Variants in ERBB4 observed in about 807,000 individuals in gnomAD.
ERBB4 encodes the protein erb-b2 receptor tyrosine kinase 4.
A neutral mutation model predicts 158.0 loss-of-function variants in ERBB4; 42 were observed. The observed-to-expected ratio is 0.27, with a 90% CI of 0.21 to 0.34. ERBB4 has a LOEUF of 0.34. Ranked by LOEUF, ERBB4 falls within the 10% of genes least tolerant of loss-of-function variation. The probability of loss-of-function intolerance (pLI) is 1.00; values close to 1 mark genes in which losing one functional copy is unlikely to be tolerated. For missense variants in ERBB4, 1,333 were observed against 1,624.1 expected, an observed-to-expected ratio of 0.82 and a Z score of 3.08; for synonymous variants, 583 against 558.7, an observed-to-expected ratio of 1.04 and a Z score of -0.61.
At chr2:211,672,265 A>C (rs1241499532) in intron 14 of ERBB4, among the ~76,000 whole-genome samples, 3 of 152,166 alleles carry the variant, frequency 2.0e-5, no homozygotes. Context: ...CTACATTCAA[A>C]TGTTGGTCTC....
intron 1 of ERBB4, among the ~76,000 whole-genome samples, chr2:212,164,068 C>T (rs2081278553): frequency 6.6e-6 from 1 of 151,932 alleles, no homozygotes; most frequent in African/African-American, 2.4e-5. Flanking sequence ...TCCCAAAGTG[C>T]TGGGATGATA....
At chr2:211,638,307 C>G (rs943541521) in intron 16 of ERBB4, among the ~76,000 whole-genome samples, 9 of 152,062 alleles carry the variant, frequency 5.9e-5, no homozygotes, top group African/African-American at 2.2e-4. Context: ...GACCTTGAAA[C>G]ACCAGGAAAC....
chr2:211,407,521 T>C (rs1284398709), intron 25 of ERBB4, among the ~76,000 whole-genome samples: 1 of 152,232 alleles, frequency 6.6e-6, no homozygotes, highest in Non-Finnish European at 1.5e-5. Flanking sequence ...TGGTTGTAGA[T>C]TAAACTTCCA....
intron 5 of ERBB4, among the ~76,000 whole-genome samples, chr2:211,740,622 C>CT (rs1169540948): frequency 0.22 from 19,985 of 90,174 alleles, 3,187 homozygotes; most frequent in Non-Finnish European, 0.29. Context: ...TTTTCTTTGT[C>CT]TTTTTTTTTT....
chr2:211,683,966 G>A (rs905747716), intron 12 of ERBB4, among the ~76,000 whole-genome samples: 7 of 151,290 alleles, frequency 4.6e-5, no homozygotes, highest in African/African-American at 1.7e-4. Context: ...TTTTTAATAT[G>A]CTTATTTTTC....
At chr2:211,623,853 C>G (rs2069729684) in intron 18 of ERBB4, 69 bp downstream of exon 18, 1 of 1,471,940 alleles carries the variant, frequency 6.8e-7, no homozygotes. Flanking sequence ...AGTAATAACT[C>G]CATTGGCTAT....
chr2:211,477,997 C>T (rs2064998409), intron 20 of ERBB4, among the ~76,000 whole-genome samples: 1 of 152,122 alleles, frequency 6.6e-6, no homozygotes, highest in African/African-American at 2.4e-5. Flanking sequence ...AGGCAATATT[C>T]CTTGAACAGT....
chr2:212,161,888 CTTA>C (rs2081212657), intron 1 of ERBB4, among the ~76,000 whole-genome samples: 1 of 151,672 alleles, frequency 6.6e-6, no homozygotes, highest in African/African-American at 2.4e-5. Context: ...CTAAAAATTC[CTTA>C]TTAATCTTTG....
chr2:212,165,401 C>G (rs1466052582), intron 1 of ERBB4, among the ~76,000 whole-genome samples: 1 of 151,704 alleles, frequency 6.6e-6, no homozygotes, highest in African/African-American at 2.4e-5. Flanking sequence ...TAATCCCAGC[C>G]CTGAGGGTAA....
At chr2:212,101,970 T>C (rs2125519185) in intron 2 of ERBB4, among the ~76,000 whole-genome samples, 1 of 151,492 alleles carries the variant, frequency 6.6e-6, no homozygotes, top group Non-Finnish European at 1.5e-5. Context: ...TTAGTTCCTT[T>C]GTAATGCTTC....
intron 20 of ERBB4, among the ~76,000 whole-genome samples, chr2:211,455,675 AT>A (rs1202600699): frequency 6.6e-6 from 1 of 152,124 alleles, no homozygotes. Context: ...CTTACTTTTA[AT>A]TTTGCCTGTT....
At chr2:212,413,754 A>G (rs912865602) in intron 1 of ERBB4, among the ~76,000 whole-genome samples, 3 of 152,194 alleles carry the variant, frequency 2.0e-5, no homozygotes, top group East Asian at 1.9e-4. Flanking sequence ...TATTTTAAAA[A>G]GTATTTATTT....
At chr2:212,453,843 A>G (rs1688132575) in intron 1 of ERBB4, among the ~76,000 whole-genome samples, 1 of 152,214 alleles carries the variant, frequency 6.6e-6, no homozygotes, top group African/African-American at 2.4e-5. Context: ...TCTTTGACAA[A>G]GAGTACTAGA....
chr2:212,317,933 A>G (rs1198631445), intron 1 of ERBB4, among the ~76,000 whole-genome samples: 1 of 151,658 alleles, frequency 6.6e-6, no homozygotes, highest in African/African-American at 2.4e-5. Context: ...TATCTTTTCA[A>G]AATCCACACA....
In ERBB4 at chr2:212,383,610, G is replaced by A. The variant is rs139001373; in HGVS notation, c.82+154839C>T. On this transcript the variant is annotated intron_variant, in intron 1 of 27. Coordinates refer to ENST00000342788, the MANE Select transcript of ERBB4 (RefSeq NM_005235.3). ...CAGGAAGCTAAAATTCACCTCAAGA[G>A]ACAAAGCATACCAAACATTTAGATG... Among the ~76,000 whole-genome samples the A allele has an allele frequency of 1.7e-3, 255 of 151,640 alleles. 2 individuals carry two copies. The highest frequency in any genetic ancestry group is 5.8e-3 in the African/African-American group (240 of 41,480).
intron 3 of ERBB4, among the ~76,000 whole-genome samples, chr2:211,914,789 C>T (rs547325768): frequency 2.0e-5 from 3 of 152,158 alleles, no homozygotes; most frequent in Non-Finnish European, 4.4e-5. Context: ...AATTTCCTAA[C>T]ATTTAAATGT....
chr2:212,193,322 G>C (rs2082329971), intron 1 of ERBB4, among the ~76,000 whole-genome samples: 1 of 152,138 alleles, frequency 6.6e-6, no homozygotes, highest in Admixed American at 6.6e-5. Flanking sequence ...GTAGGCTCAA[G>C]TGATGCCATC....
intron 2 of ERBB4, among the ~76,000 whole-genome samples, chr2:212,003,149 G>C (rs2076153370): frequency 8.7e-5 from 1 of 11,440 alleles, no homozygotes; most frequent in Non-Finnish European, 3.5e-4. Flanking sequence ...AGGAAGGAAG[G>C]AAAGAAAGAA....
chr2:211,632,010 ACTT>A (rs1000116993), intron 16 of ERBB4, among the ~76,000 whole-genome samples: 3 of 152,014 alleles, frequency 2.0e-5, no homozygotes, highest in Admixed American at 1.3e-4. Context: ...AATCTGCGTA[ACTT>A]CTTCTATAAA....
Sources: gnomAD v4.1 joint callset for allele counts (sites outside exome capture counted in the v4.1 genomes callset) on GRCh38, gnomAD v4.1.1 for gene constraint, MANE v1.5 for transcripts, NCBI Gene and HGNC (gene_info 2026-07-23, HGNC 2026-07-21) for gene names.